SH3RF3: variants seen among roughly 807,000 people sequenced by gnomAD.
SH3RF3 encodes the protein E3 ubiquitin-protein ligase SH3RF3.
In SH3RF3, 29 loss-of-function variants were observed where a neutral mutation model predicts 66.3. The ratio of observed to expected loss-of-function variants is 0.44; its 90% CI spans 0.33 to 0.60. The LOEUF is 0.60. Ranked by LOEUF, SH3RF3 falls within the 20% of genes least tolerant of loss-of-function variation. SH3RF3 has a pLI of 0.04. For synonymous variants in SH3RF3, 583 were observed against 532.0 expected, an observed-to-expected ratio of 1.10 and a Z score of -1.32; for missense variants, 1,194 against 1,190.9, an observed-to-expected ratio of 1.00 and a Z score of -0.04.
At chr2:109,455,834 A>G (rs1291903312) in intron 8 of SH3RF3, among the ~76,000 whole-genome samples, 1 of 152,216 alleles carries the variant, frequency 6.6e-6, no homozygotes, top group African/African-American at 2.4e-5. Context: ...AGTGACAGCT[A>G]CACTCTGCTG....
At chr2:109,170,105 T>G (rs1355903472) in intron 1 of SH3RF3, among the ~76,000 whole-genome samples, 1 of 152,234 alleles carries the variant, frequency 6.6e-6, no homozygotes, top group Non-Finnish European at 1.5e-5. Flanking sequence ...TCTACAAGTT[T>G]CCTTAGGCTA....
intron 1 of SH3RF3, among the ~76,000 whole-genome samples, chr2:109,279,926 G>A (rs1680843722): frequency 6.6e-6 from 1 of 151,900 alleles, no homozygotes; most frequent in Non-Finnish European, 1.5e-5. Context: ...TAATTGGGGG[G>A]CGGTAAGAGG....
chr2:109,260,376 CT>C (rs1399666429), intron 1 of SH3RF3, among the ~76,000 whole-genome samples: 1 of 152,206 alleles, frequency 6.6e-6, no homozygotes, highest in Non-Finnish European at 1.5e-5. Context: ...TGCATGTGCC[CT>C]TCCAGGAACC....
chr2:109,144,467 T>C (rs1229314764), intron 1 of SH3RF3, among the ~76,000 whole-genome samples: 3 of 152,242 alleles, frequency 2.0e-5, no homozygotes, highest in African/African-American at 7.2e-5. Flanking sequence ...GTTTCCTGTG[T>C]GTCTGAAGGC....
intron 1 of SH3RF3, among the ~76,000 whole-genome samples, chr2:109,200,851 C>T (rs1448203739): frequency 1.3e-5 from 2 of 152,214 alleles, no homozygotes; most frequent in East Asian, 1.9e-4. Flanking sequence ...CCCCTAAGTG[C>T]GGCCTCTCAG....
At chr2:109,327,632 G>A (rs1393179631) in intron 1 of SH3RF3, among the ~76,000 whole-genome samples, 1 of 152,036 alleles carries the variant, frequency 6.6e-6, no homozygotes, top group Non-Finnish European at 1.5e-5. Context: ...AATTTATTTA[G>A]GCCATCTTTA....
At chr2:109,358,377 TG>T (rs1682993517) in intron 2 of SH3RF3, among the ~76,000 whole-genome samples, 1 of 152,250 alleles carries the variant, frequency 6.6e-6, no homozygotes, top group African/African-American at 2.4e-5. Flanking sequence ...CAGGTTTTTG[TG>T]TGGACATAAG....
intron 1 of SH3RF3, among the ~76,000 whole-genome samples, chr2:109,300,987 G>A (rs1681453104): frequency 6.6e-6 from 1 of 152,242 alleles, no homozygotes; most frequent in African/African-American, 2.4e-5. Context: ...CCTTGCCTGA[G>A]TCTGGCTTCC....
chr2:109,486,122 C>T (rs1386629424), intron 8 of SH3RF3, among the ~76,000 whole-genome samples: 2 of 152,224 alleles, frequency 1.3e-5, no homozygotes, highest in Non-Finnish European at 2.9e-5. Flanking sequence ...TTCACCTTCC[C>T]AAGGAGCTGA....
At chr2:109,216,615 A>G (rs1222031915) in intron 1 of SH3RF3, among the ~76,000 whole-genome samples, 1 of 152,184 alleles carries the variant, frequency 6.6e-6, no homozygotes, top group Non-Finnish European at 1.5e-5. Flanking sequence ...ATGGCCAGCC[A>G]TGCTCTGTAG....
chr2:109,131,529 C>T (rs527754481), intron 1 of SH3RF3, among the ~76,000 whole-genome samples: 2 of 152,164 alleles, frequency 1.3e-5, no homozygotes, highest in Non-Finnish European at 2.9e-5. Flanking sequence ...TCTAGTAAAA[C>T]GCTGGGACAT....
intron 1 of SH3RF3, among the ~76,000 whole-genome samples, chr2:109,280,765 G>C (rs764532788): frequency 6.6e-6 from 1 of 152,222 alleles, no homozygotes; most frequent in Non-Finnish European, 1.5e-5. Context: ...CATGAGCCTC[G>C]AGGGCGCTGC....
Position 109,291,428 on chromosome 2 carries a change from G to A in SH3RF3, c.574-56246G>A, listed in dbSNP as rs193141928. On this transcript the variant is annotated intron_variant, in intron 1 of 9. Coordinates refer to ENST00000309415, the MANE Select transcript of SH3RF3 (RefSeq NM_001099289.3). ...TATGCATCTCAGTTCCTGCAATCTC[G>A]CCTGGCTGCCGTGCAGGAGTCAGAT... Among the ~76,000 whole-genome samples, 52 of 152,228 alleles carry A rather than the reference G, an allele frequency of 3.4e-4. No homozygotes were observed. In the East Asian group the frequency reaches 8.7e-3, roughly 25 times the overall value.
At chr2:109,403,011 G>A (rs973707416) in intron 4 of SH3RF3, among the ~76,000 whole-genome samples, 1 of 152,198 alleles carries the variant, frequency 6.6e-6, no homozygotes, top group Non-Finnish European at 1.5e-5. Context: ...TGGGTGGGGG[G>A]ATGTGGATGA....
intron 1 of SH3RF3, among the ~76,000 whole-genome samples, chr2:109,169,530 T>G (rs913058110): frequency 2.0e-5 from 3 of 152,154 alleles, no homozygotes; most frequent in Non-Finnish European, 4.4e-5. Flanking sequence ...GGGTCCATTT[T>G]CATTTCTGTA....
chr2:109,284,856 G>A (rs569779587), intron 1 of SH3RF3, among the ~76,000 whole-genome samples: 1 of 152,340 alleles, frequency 6.6e-6, no homozygotes, highest in South Asian at 2.1e-4. Context: ...GTGGCTTCAT[G>A]TAGGTTGATG....
intron 3 of SH3RF3, among the ~76,000 whole-genome samples, chr2:109,386,626 A>G (rs778426495): frequency 4.6e-5 from 7 of 151,914 alleles, no homozygotes; most frequent in Non-Finnish European, 8.8e-5. Flanking sequence ...GCTAATCCCT[A>G]CCACTTTCTG....
chr2:109,422,686 C>G (rs1364575024), intron 5 of SH3RF3, among the ~76,000 whole-genome samples: 1 of 152,174 alleles, frequency 6.6e-6, no homozygotes, highest in Admixed American at 6.5e-5. Flanking sequence ...TTGTCTGCTC[C>G]TAGAGGCCAT....
chr2:109,490,206 C>T (rs1050366773), intron 8 of SH3RF3, among the ~76,000 whole-genome samples: 9 of 152,212 alleles, frequency 5.9e-5, no homozygotes, highest in Admixed American at 5.2e-4. Context: ...CATGTAGGCA[C>T]CAGCCTTGGA....
Sources: gnomAD v4.1 joint callset for allele counts (sites outside exome capture counted in the v4.1 genomes callset) on GRCh38, gnomAD v4.1.1 for gene constraint, MANE v1.5 for transcripts, NCBI Gene and HGNC (gene_info 2026-07-23, HGNC 2026-07-21) for gene names.